The following AK9 variants were observed in gnomAD, a reference collection of about 807,000 sequenced individuals.
The protein encoded by AK9 is adenylate kinase domain containing 1.
Under a neutral mutation model 239.6 loss-of-function variants are expected in AK9, and 191 were observed. The observed-to-expected ratio is 0.80, with a 90% CI of 0.71 to 0.90. The LOEUF (loss-of-function observed/expected upper bound fraction) is 0.90, where lower values mean the gene tolerates loss of function less well. Ranked by LOEUF, AK9 falls within the 40% of genes least tolerant of loss-of-function variation. The pLI, the probability that AK9 is intolerant of heterozygous loss-of-function variation, is 0.00. For synonymous variants in AK9, 689 were observed against 721.0 expected (o/e 0.96, Z 0.71); for missense variants, 1,995 against 2,214.7 (o/e 0.90, Z 1.99).
intron 29 of AK9, among the ~76,000 whole-genome samples, chr6:109,517,619 GGTAA>G (rs1779406228): frequency 6.6e-6 from 1 of 152,136 alleles, no homozygotes; most frequent in Admixed American, 6.5e-5. Context: ...TCTGGCATAT[GGTAA>G]GTATGTGAAC....
chr6:109,633,613 T>A (rs1237950635), intron 10 of AK9, among the ~76,000 whole-genome samples: 4 of 152,204 alleles, frequency 2.6e-5, no homozygotes, highest in African/African-American at 9.6e-5. Context: ...TTCTATCATA[T>A]GGTAAAATAA....
At chr6:109,524,543 A>G (rs1180180248) in intron 29 of AK9, among the ~76,000 whole-genome samples, 1 of 152,212 alleles carries the variant, frequency 6.6e-6, no homozygotes, top group East Asian at 1.9e-4. Context: ...AAGCAAAGAT[A>G]CAGAGAAAAG....
At chr6:109,673,608 T>C (rs1771250714) in intron 3 of AK9, among the ~76,000 whole-genome samples, 1 of 152,062 alleles carries the variant, frequency 6.6e-6, no homozygotes, top group African/African-American at 2.4e-5. Flanking sequence ...AAATAAAAGT[T>C]ATCATTGAAG....
chr6:109,662,727 AT>A, intron 5 of AK9, 64 bp from the exon 6 acceptor site: 1 of 692,240 alleles, frequency 1.4e-6, no homozygotes, highest in Non-Finnish European at 2.0e-6. Context: ...GCATGGATTT[AT>A]TATATTATAT....
In AK9 at chr6:109,514,389, T is replaced by C. The variant is rs1017462462; in HGVS notation, c.4114A>G (p.Ile1372Val). ...TACTGACGATGGATTACAGGATAAA[T>C]TGGATTCTCTGCATTTTCAACTGGC... is the stretch of plus-strand genomic sequence containing the variant. Reference protein sequence around the residue: ...IKPVENAENPIYPVIHRQYIY... With the variant: ...IKPVENAENPVYPVIHRQYIY... The change falls in exon 32 of 41, where the codon ATT becomes GTT. Residue 1372 changes from isoleucine to valine, a missense_variant. Physicochemically the swap from Ile to Val is conservative, Grantham distance 29. Transcript: ENST00000424296. 10 of 1,550,276 alleles carry C rather than the reference T, an allele frequency of 6.5e-6. No homozygotes were observed. The African/African-American group carries it at 6.9e-5, about 11-fold the overall frequency.
At chr6:109,646,877 T>C (rs567650836) in intron 8 of AK9, among the ~76,000 whole-genome samples, 1 of 152,308 alleles carries the variant, frequency 6.6e-6, no homozygotes, top group Non-Finnish European at 1.5e-5. Context: ...CCCATCAGAC[T>C]AACAGTGGAT....
rs377007961 is a variant in AK9 at position 109,574,374 on chromosome 6, A to AAAAC, written c.2192-784_2192-781dup. Among the ~76,000 whole-genome samples, 398 of 152,158 alleles carry AAAAC rather than the reference A, an allele frequency of 2.6e-3. 4 individuals carry two copies. The highest frequency in any genetic ancestry group is 9.0e-3 in the African/African-American group (373 of 41,532). On this transcript the variant is annotated intron_variant, in intron 20 of 40. Transcript: ENST00000424296. ...GGGTCATGGAATGAGACTCTGGCTCAAAACAAACAAACAAACAAACAACCC... is the reference window on the plus strand; with the variant it reads ...GGGTCATGGAATGAGACTCTGGCTCAAAACAAACAAACAAACAAACAAACAACCC...
chr6:109,634,958 G>A (rs959144286), intron 10 of AK9, among the ~76,000 whole-genome samples: 1 of 152,206 alleles, frequency 6.6e-6, no homozygotes, highest in Non-Finnish European at 1.5e-5. Flanking sequence ...ACGTTCAGCA[G>A]GTGCCGAAGG....
At chr6:109,662,529 G>T in intron 6 of AK9, 22 bp downstream of exon 6, 1 of 1,475,882 alleles carries the variant, frequency 6.8e-7, no homozygotes, top group Non-Finnish European at 9.0e-7. Context: ...TACTCTACTA[G>T]CAAAACAATT....
intron 32 of AK9, among the ~76,000 whole-genome samples, chr6:109,511,060 G>GTTTTT (rs200285676): frequency 8.1e-6 from 1 of 123,176 alleles, no homozygotes; most frequent in Non-Finnish European, 1.8e-5. Flanking sequence ...AAATCTGCTT[G>GTTTTT]TTTTTTTTTT....
At chr6:109,513,256 T>G (rs933765002) in intron 32 of AK9, among the ~76,000 whole-genome samples, 2 of 152,188 alleles carry the variant, frequency 1.3e-5, no homozygotes, top group African/African-American at 4.8e-5. Context: ...ATTTCTTGTA[T>G]TGTCTTGGTT....
chr6:109,549,188 G>A (rs1783996441), intron 25 of AK9, among the ~76,000 whole-genome samples: 1 of 152,128 alleles, frequency 6.6e-6, no homozygotes, highest in African/African-American at 2.4e-5. Flanking sequence ...TTTTAAATTG[G>A]TTTAATTAAT....
chr6:109,495,246 A>C (rs1338050709), intron 39 of AK9, 92 bp downstream of exon 39: 2 of 1,066,372 alleles, frequency 1.9e-6, no homozygotes, highest in Non-Finnish European at 2.7e-6. Flanking sequence ...CTCTGCCTTG[A>C]ATTTTATTGT....
intron 5 of AK9, among the ~76,000 whole-genome samples, chr6:109,666,879 T>C (rs1212010082): frequency 4.6e-5 from 7 of 152,150 alleles, no homozygotes; most frequent in African/African-American, 1.4e-4. Flanking sequence ...TGGTGACCAA[T>C]GACTTGCAAG....
chr6:109,506,930 T>C, intron 33 of AK9, 130 bp from the exon 34 acceptor site: 2 of 1,348,196 alleles, frequency 1.5e-6, no homozygotes, highest in Non-Finnish European at 1.9e-6. Context: ...CAATTTATTT[T>C]CTTCACACTT....
chr6:109,639,116 G>A lies in AK9; in HGVS notation c.933+2402C>T, dbSNP rs1030679374. The stretch of plus-strand genomic sequence containing the variant: ...GAATAGTGCTGCAATAAACATAGGC[G>A]TGCATGTGTCCTTATAGTAGCCTGA... On this transcript the variant is annotated intron_variant, in intron 10 of 40. Coordinates refer to ENST00000424296, the MANE Select transcript of AK9 (RefSeq NM_001145128.3). Among the ~76,000 whole-genome samples, 5 of 152,308 alleles carry A rather than the reference G, an allele frequency of 3.3e-5. No individual in the cohort carries two copies. The East Asian group carries it at 7.7e-4, about 24-fold the overall frequency.
At chr6:109,529,885 C>T (rs1270238364) in intron 28 of AK9, among the ~76,000 whole-genome samples, 1 of 152,140 alleles carries the variant, frequency 6.6e-6, no homozygotes, top group East Asian at 1.9e-4. Flanking sequence ...CTCACTTGCC[C>T]ACTCACTGCT....
In AK9 at chr6:109,611,993, T is replaced by C; in HGVS notation, c.1693+17A>G. The C allele has an allele frequency of 6.9e-7, 1 of 1,442,600 alleles. No individual in the cohort carries two copies. Among genetic ancestry groups the C allele is most frequent in the South Asian group, 1.3e-5 (1 of 76,752 alleles). 89.4% of individuals were successfully genotyped at this position (1,442,600 alleles called of 1,614,324 possible). ...ACCACAATCTAAAAGAATCAAATTATACAAATATTAATTTACCTGTATCTG... is the reference window on the plus strand; with the variant it reads ...ACCACAATCTAAAAGAATCAAATTACACAAATATTAATTTACCTGTATCTG... On this transcript the variant is annotated intron_variant, in intron 16 of 40. Coordinates refer to ENST00000424296, the MANE Select transcript of AK9 (RefSeq NM_001145128.3).
chr6:109,642,436 T>C (rs1797569275), intron 9 of AK9, among the ~76,000 whole-genome samples: 1 of 152,166 alleles, frequency 6.6e-6, no homozygotes, highest in Non-Finnish European at 1.5e-5. Context: ...CCTAGTTCAT[T>C]CTGGGTGGAG....
Sources: gnomAD v4.1 joint callset for allele counts (sites outside exome capture counted in the v4.1 genomes callset) on GRCh38, gnomAD v4.1.1 for gene constraint, MANE v1.5 for transcripts, NCBI Gene and HGNC (gene_info 2026-07-23, HGNC 2026-07-21) for gene names.